Variants in LRP1B observed in about 807,000 individuals in gnomAD.
LRP1B encodes the protein low-density lipoprotein receptor-related protein 1B.
LRP1B carries 217 observed loss-of-function variants against 556.6 expected under a neutral mutation model. That is an observed-to-expected ratio of 0.39 (90% confidence interval 0.35 to 0.44). LRP1B has a LOEUF of 0.44. LRP1B is among the 20% of genes least tolerant of loss of function. The probability of loss-of-function intolerance (pLI) is 1.00; values close to 1 mark genes in which losing one functional copy is unlikely to be tolerated. For synonymous variants in LRP1B, 2,047 were observed against 1,865.8 expected (o/e 1.10, Z -2.50); for missense variants, 5,053 against 5,620.8 (o/e 0.90, Z 3.23).
intron 2 of LRP1B, among the ~76,000 whole-genome samples, chr2:141,595,447 T>G (rs1224479135): frequency 3.3e-5 from 5 of 152,102 alleles, no homozygotes; most frequent in African/African-American, 7.2e-5. Context: ...ATCAGACATT[T>G]GTAAACAGTG....
At chr2:141,271,611 C>T (rs1296260464) in intron 3 of LRP1B, among the ~76,000 whole-genome samples, 2 of 151,528 alleles carry the variant, frequency 1.3e-5, no homozygotes, top group South Asian at 2.1e-4. Context: ...GAAAAAAATG[C>T]CAACCAAGAA....
intron 1 of LRP1B, among the ~76,000 whole-genome samples, chr2:142,018,390 G>A (rs1703220858): frequency 6.6e-6 from 1 of 152,118 alleles, no homozygotes; most frequent in Non-Finnish European, 1.5e-5. Context: ...TATGATAGAA[G>A]TGTGAATGGC....
At chr2:141,379,494 T>C (rs1326006225) in intron 3 of LRP1B, among the ~76,000 whole-genome samples, 5 of 152,074 alleles carry the variant, frequency 3.3e-5, no homozygotes, top group Admixed American at 2.0e-4. Flanking sequence ...ATTCAGAATC[T>C]AGTTGAGAGA....
intron 43 of LRP1B, among the ~76,000 whole-genome samples, chr2:140,561,894 T>G (rs1680945408): frequency 6.6e-6 from 1 of 151,982 alleles, no homozygotes; most frequent in Non-Finnish European, 1.5e-5. Flanking sequence ...TAATACATGA[T>G]TATTAAGATG....
intron 1 of LRP1B, among the ~76,000 whole-genome samples, chr2:141,968,109 T>C (rs1701613216): frequency 1.3e-5 from 2 of 151,934 alleles, no homozygotes. Flanking sequence ...GAGATACAAA[T>C]TTTGGCAGCA....
At chr2:141,342,138 G>A (rs1318419623) in intron 3 of LRP1B, among the ~76,000 whole-genome samples, 1 of 151,328 alleles carries the variant, frequency 6.6e-6, no homozygotes, top group African/African-American at 2.4e-5. Flanking sequence ...TAGCTACTTG[G>A]GAGGCTGAGG....
chr2:141,499,480 T>C (rs1019776970), intron 2 of LRP1B, among the ~76,000 whole-genome samples: 6 of 152,048 alleles, frequency 3.9e-5, no homozygotes, highest in African/African-American at 1.4e-4. Context: ...TGCTTGGATA[T>C]ATTTGTTTTG....
At chr2:140,963,443 T>TTA (rs140209072) in intron 18 of LRP1B, among the ~76,000 whole-genome samples, 42 of 145,654 alleles carry the variant, frequency 2.9e-4, no homozygotes, top group African/African-American at 9.3e-4. Context: ...ACATGCATAT[T>TTA]TATATATATA....
At chr2:141,383,304 C>T (rs902301707) in intron 3 of LRP1B, among the ~76,000 whole-genome samples, 1 of 152,048 alleles carries the variant, frequency 6.6e-6, no homozygotes, top group African/African-American at 2.4e-5. Flanking sequence ...AGTATAGAGG[C>T]TCCTCAAAAA....
chr2:141,744,959 G>C (rs1693859388), intron 2 of LRP1B, among the ~76,000 whole-genome samples: 1 of 152,154 alleles, frequency 6.6e-6, no homozygotes, highest in Non-Finnish European at 1.5e-5. Flanking sequence ...ACTACTTGGT[G>C]ATCTTGGAAA....
chr2:141,266,230 A>G (rs1391478953), intron 3 of LRP1B, among the ~76,000 whole-genome samples: 1 of 151,666 alleles, frequency 6.6e-6, no homozygotes, highest in African/African-American at 2.4e-5. Context: ...AGGCTGAGAC[A>G]GAAGAATGGC....
intron 75 of LRP1B, among the ~76,000 whole-genome samples, chr2:140,355,417 T>C (rs1259462870): frequency 6.6e-6 from 1 of 151,966 alleles, no homozygotes; most frequent in African/African-American, 2.4e-5. Context: ...AACAATCAAA[T>C]GTCACGAATA....
intron 11 of LRP1B, among the ~76,000 whole-genome samples, chr2:141,022,881 T>C (rs563596182): frequency 3.9e-5 from 6 of 152,110 alleles, no homozygotes; most frequent in African/African-American, 1.4e-4. Flanking sequence ...ATTATTATTA[T>C]TGCATAACTA....
chr2:140,685,443 G>A (rs1686012564), intron 41 of LRP1B, among the ~76,000 whole-genome samples: 2 of 152,124 alleles, frequency 1.3e-5, no homozygotes, highest in Non-Finnish European at 2.9e-5. Context: ...AGGGAAAACT[G>A]AGGCAAGGAG....
intron 35 of LRP1B, among the ~76,000 whole-genome samples, chr2:140,757,355 C>T (rs568258992): frequency 3.3e-5 from 5 of 152,256 alleles, no homozygotes; most frequent in Admixed American, 1.3e-4. Flanking sequence ...ATGATCCTAG[C>T]AGCTTTATTT....
chr2:142,073,181 A>G (rs540148242), intron 1 of LRP1B, among the ~76,000 whole-genome samples: 2 of 152,140 alleles, frequency 1.3e-5, no homozygotes, highest in African/African-American at 2.4e-5. Context: ...ATTTCTATAT[A>G]TAAAGTATTG....
chr2:142,019,246 T>G (rs1354115072), intron 1 of LRP1B, among the ~76,000 whole-genome samples: 1 of 152,200 alleles, frequency 6.6e-6, no homozygotes, highest in African/African-American at 2.4e-5. Flanking sequence ...TCAGTTAGTC[T>G]AAATTATTGA....
chr2:140,802,321 A>G, intron 32 of LRP1B, among the ~76,000 whole-genome samples: 1 of 152,178 alleles, frequency 6.6e-6, no homozygotes, highest in East Asian at 1.9e-4. Flanking sequence ...AAATTGTCCT[A>G]TTTCCTATGT....
chr2:142,025,638 G>A (rs1383220357), intron 1 of LRP1B, among the ~76,000 whole-genome samples: 1 of 152,096 alleles, frequency 6.6e-6, no homozygotes, highest in African/African-American at 2.4e-5. Context: ...GTCACCCCGG[G>A]TGGGTATGGT....
Sources: gnomAD v4.1 joint callset for allele counts (sites outside exome capture counted in the v4.1 genomes callset) on GRCh38, gnomAD v4.1.1 for gene constraint, MANE v1.5 for transcripts, NCBI Gene and HGNC (gene_info 2026-07-23, HGNC 2026-07-21) for gene names.